ITGA9: variants seen among roughly 807,000 people sequenced by gnomAD.
ITGA9 encodes integrin alpha-9.
A neutral mutation model predicts 127.8 loss-of-function variants in ITGA9; 56 were observed. The ratio of observed to expected loss-of-function variants is 0.44; its 90% confidence interval spans 0.35 to 0.55. ITGA9 has a LOEUF of 0.55. Ranked by LOEUF, ITGA9 falls within the 20% of genes least tolerant of loss-of-function variation. The probability of loss-of-function intolerance (pLI) is 0.00; values close to 1 mark genes in which losing one functional copy is unlikely to be tolerated. For missense variants in ITGA9, 1,196 were observed against 1,347.1 expected (o/e 0.89, Z 1.76); for synonymous variants, 508 against 514.5 (o/e 0.99, Z 0.17).
At chr3:37,674,882 G>A (rs1700667301) in intron 17 of ITGA9, among the ~76,000 whole-genome samples, 6 of 152,212 alleles carry the variant, frequency 3.9e-5, no homozygotes, top group Admixed American at 3.9e-4. Flanking sequence ...ACAGAATGTG[G>A]ATCCCAAGGG....
chr3:37,632,509 TAAGAA>T (rs1198720083), intron 16 of ITGA9, among the ~76,000 whole-genome samples: 1 of 151,948 alleles, frequency 6.6e-6, no homozygotes, highest in Non-Finnish European at 1.5e-5. Flanking sequence ...ATACCAGTAA[TAAGAA>T]AAGAGAAAGA....
At chr3:37,558,843 C>T (rs1699456441) in intron 15 of ITGA9, among the ~76,000 whole-genome samples, 1 of 152,200 alleles carries the variant, frequency 6.6e-6, no homozygotes, top group Non-Finnish European at 1.5e-5. Context: ...AGCTTTTTCC[C>T]CTGGGCTGAC....
At chr3:37,774,357 A>C (rs116737066) in intron 23 of ITGA9, among the ~76,000 whole-genome samples, 2,901 of 152,274 alleles carry the variant, frequency 0.019, 98 homozygotes, top group African/African-American at 0.065. Context: ...GTTGATTGAG[A>C]TCATTTCAGG....
intron 7 of ITGA9, among the ~76,000 whole-genome samples, chr3:37,507,512 C>G (rs1698857833): frequency 6.6e-6 from 1 of 152,088 alleles, no homozygotes; most frequent in South Asian, 2.1e-4. Flanking sequence ...CTCCGCAAAC[C>G]CCTCTCACTG....
intron 15 of ITGA9, among the ~76,000 whole-genome samples, chr3:37,609,157 ACACT>A (rs1699995583): frequency 6.6e-6 from 1 of 152,092 alleles, no homozygotes; most frequent in African/African-American, 2.4e-5. Flanking sequence ...TCCATCAGGA[ACACT>A]CACACAGTCA....
chr3:37,615,575 G>A (rs891936618), intron 15 of ITGA9, among the ~76,000 whole-genome samples: 2 of 152,278 alleles, frequency 1.3e-5, no homozygotes, highest in African/African-American at 4.8e-5. Context: ...GGTAGAATTC[G>A]GCTGTGAATC....
At chr3:37,773,060 G>C (rs779907969) in intron 23 of ITGA9, among the ~76,000 whole-genome samples, 1 of 152,152 alleles carries the variant, frequency 6.6e-6, no homozygotes, top group African/African-American at 2.4e-5. Flanking sequence ...GCCCCTCTCC[G>C]CTGGCGTCTT....
intron 17 of ITGA9, among the ~76,000 whole-genome samples, chr3:37,666,015 A>G (rs1453249431): frequency 2.0e-5 from 3 of 152,170 alleles, no homozygotes; most frequent in Non-Finnish European, 4.4e-5. Context: ...CATTCGTTTG[A>G]CAAATGTGGA....
chr3:37,590,014 C>T (rs146068642), intron 15 of ITGA9, among the ~76,000 whole-genome samples: 7 of 152,306 alleles, frequency 4.6e-5, no homozygotes, highest in East Asian at 1.9e-4. Context: ...TACCTGCAGC[C>T]GCCATCCCCT....
At position 37,684,023 on chromosome 3, in the gene ITGA9, G is replaced by A. The variant is rs774097270; in HGVS notation, c.2067+8G>A. On this transcript the variant is annotated splice_region_variant and intron_variant, in intron 18 of 27. Transcript: ENST00000264741. ...ATCAACATGTGGCAGAAGGTAAGGAGGGCATCCCTGTAAAAAGAGCAGTTG... is the reference window on the plus strand; with the variant it reads ...ATCAACATGTGGCAGAAGGTAAGGAAGGCATCCCTGTAAAAAGAGCAGTTG... The A allele has an allele frequency of 6.2e-7, 1 of 1,612,224 alleles. No homozygotes were observed. The highest frequency in any genetic ancestry group is 1.7e-5 in the Admixed American group (1 of 59,986).
rs748381488 is a variant in ITGA9 at position 37,818,191 on chromosome 3, T to TAAAAAAAAAAAAAAA, written c.3010-688_3010-674dup. The TAAAAAAAAAAAAAAA allele has an allele frequency of 6.9e-4, 22 of 31,968 alleles. 2 individuals are homozygous for TAAAAAAAAAAAAAAA. The East Asian group carries it at 0.016, about 23-fold the overall frequency. 2.0% of individuals were successfully genotyped at this position (31,968 alleles called of 1,614,324 possible). On this transcript the variant is annotated intron_variant, in intron 27 of 27. Transcript: ENST00000264741. ...CTTTCCACTGTACATTAAGACTCTC[T>TAAAAAAAAAAAAAAA]AAAAAAAAAAAAAAAAAAAAAAAAA...
At chr3:37,470,784 A>G (rs1698422381) in intron 1 of ITGA9, among the ~76,000 whole-genome samples, 1 of 152,194 alleles carries the variant, frequency 6.6e-6, no homozygotes, top group Non-Finnish European at 1.5e-5. Flanking sequence ...GATTACAGGC[A>G]TGAGCCACCA....
At chr3:37,504,167 C>G (rs1698817424) in intron 6 of ITGA9, among the ~76,000 whole-genome samples, 1 of 152,142 alleles carries the variant, frequency 6.6e-6, no homozygotes, top group Admixed American at 6.5e-5. Context: ...GTAGCATAGA[C>G]CCAACAATCC....
chr3:37,808,848 C>T (rs1176028028), intron 27 of ITGA9: 2 of 152,210 alleles, frequency 1.3e-5, no homozygotes, highest in African/African-American at 2.4e-5. Flanking sequence ...GTTCTTCCAG[C>T]AGATGGTCTG....
At chr3:37,484,494 A>G (rs1186990467) in intron 4 of ITGA9, among the ~76,000 whole-genome samples, 1 of 152,202 alleles carries the variant, frequency 6.6e-6, no homozygotes, top group African/African-American at 2.4e-5. Context: ...GAAACTCAGT[A>G]ATGCAAGTTC....
intron 15 of ITGA9, among the ~76,000 whole-genome samples, chr3:37,603,938 T>C (rs946449514): frequency 5.3e-5 from 8 of 152,242 alleles, no homozygotes; most frequent in Non-Finnish European, 1.5e-5. Flanking sequence ...AAGAAGCAGC[T>C]ACATTCCCAT....
In ITGA9 at chr3:37,542,600, C is replaced by A. The variant is rs534049516; in HGVS notation, c.1689+15C>A. 1 of 1,613,674 alleles carries A rather than the reference C, an allele frequency of 6.2e-7. No homozygotes were observed. On this transcript the variant is annotated intron_variant, in intron 15 of 27. Coordinates refer to ENST00000264741, the MANE Select transcript of ITGA9 (RefSeq NM_002207.3). Reference sequence around the variant, plus strand: ...CCCATGTGAAGGTCAGTCCTCTCCTCCTTTTTATCCTCAAACTTTGATCTC... The same window carrying A: ...CCCATGTGAAGGTCAGTCCTCTCCTACTTTTTATCCTCAAACTTTGATCTC...
intron 22 of ITGA9, chr3:37,749,249 A>C: frequency 5.8e-6 from 1 of 171,126 alleles, no homozygotes; most frequent in Non-Finnish European, 1.2e-5. Flanking sequence ...TGGCTGGTCA[A>C]GTCTTAGGAT....
intron 19 of ITGA9, chr3:37,733,050 C>CATT (rs1696314007): frequency 4.0e-6 from 2 of 502,880 alleles, no homozygotes; most frequent in South Asian, 4.0e-5. Flanking sequence ...GTGAAGGACA[C>CATT]ACCACAGCCT....
Sources: allele counts gnomAD v4.1 joint callset (sites outside exome capture counted in the v4.1 genomes callset), GRCh38; gene constraint gnomAD v4.1.1; transcripts MANE v1.5; gene names NCBI Gene and HGNC (gene_info 2026-07-23, HGNC 2026-07-21).